Variants in DHRSX observed in about 807,000 individuals in gnomAD.
DHRSX encodes the protein dehydrogenase/reductase X-linked, also known as polyprenol dehydrogenase.
DHRSX carries 31 observed loss-of-function variants against 34.0 expected under a neutral mutation model. The ratio of observed to expected loss-of-function variants is 0.91; its 90% CI spans 0.69 to 1.23. DHRSX has a LOEUF of 1.23. Ranked by LOEUF, DHRSX falls within the 50% of genes most tolerant of loss-of-function variation. The pLI, the probability that DHRSX is intolerant of heterozygous loss-of-function variation, is 0.00. For missense variants in DHRSX, 414 were observed against 428.1 expected (o/e 0.97, Z 0.29); for synonymous variants, 201 against 183.8 (o/e 1.09, Z -0.76).
chrX:2,334,169 G>GTTTTTTTTTTTTTTTTT (rs1326915674), intron 3 of DHRSX: 2 of 40,178 alleles, frequency 5.0e-5, no homozygotes, highest in African/African-American at 2.9e-4. Flanking sequence ...TCAAAAGTAT[G>GTTTTTTTTTTTTTTTTT]CTTTTTTTTT....
At chrX:2,265,568 T>C (rs368330507) in intron 5 of DHRSX, among the ~76,000 whole-genome samples, 3,715 of 54,040 alleles carry the variant, frequency 0.069, 159 homozygotes, top group African/African-American at 0.19. Flanking sequence ...GCTCAGCAGA[T>C]GCAGGGAGCA....
At chrX:2,345,946 C>A (rs188360859) in intron 3 of DHRSX, among the ~76,000 whole-genome samples, 1 of 152,164 alleles carries the variant, frequency 6.6e-6, no homozygotes, top group Non-Finnish European at 1.5e-5. Context: ...TATCAGTACA[C>A]ACATCATATT....
At chrX:2,324,877 G>A (rs758738654) in intron 3 of DHRSX, among the ~76,000 whole-genome samples, 48 of 147,966 alleles carry the variant, frequency 3.2e-4, no homozygotes, top group African/African-American at 1.1e-3. Flanking sequence ...CAAGCAATTC[G>A]CCTGCCTCAG....
At chrX:2,431,344 CAAAA>C (rs201373514) in intron 1 of DHRSX, among the ~76,000 whole-genome samples, 1 of 145,482 alleles carries the variant, frequency 6.9e-6, no homozygotes, top group Non-Finnish European at 1.5e-5. Context: ...AAAAAAAAGA[CAAAA>C]AAAACCCCCA....
chrX:2,426,084 G>C (rs1337934478), intron 1 of DHRSX, among the ~76,000 whole-genome samples: 3 of 152,096 alleles, frequency 2.0e-5, no homozygotes, highest in East Asian at 1.9e-4. Flanking sequence ...GCATATGAAA[G>C]ACAGGTTCAT....
chrX:2,314,511 G>A (rs1569487354), intron 3 of DHRSX, among the ~76,000 whole-genome samples: 2 of 140,156 alleles, frequency 1.4e-5, no homozygotes, highest in South Asian at 2.3e-4. Context: ...AGGTAAGGGA[G>A]GGAGGGAGGA....
chrX:2,489,533 C>A, intron 1 of DHRSX: 1 of 1,612,818 alleles, frequency 6.2e-7, no homozygotes, highest in Admixed American at 1.7e-5. Flanking sequence ...CTCCACCAGC[C>A]CCTCGATGGT....
chrX:2,440,223 C>T (rs188959797), intron 1 of DHRSX, among the ~76,000 whole-genome samples: 5 of 152,086 alleles, frequency 3.3e-5, no homozygotes, highest in Admixed American at 3.3e-4. Flanking sequence ...TTTTTTGAGA[C>T]AAGGTCTCAC....
At chrX:2,448,654 G>A (rs1603106924) in intron 1 of DHRSX, among the ~76,000 whole-genome samples, 1 of 152,268 alleles carries the variant, frequency 6.6e-6, no homozygotes, top group East Asian at 1.9e-4. Flanking sequence ...CGCACAATGT[G>A]TACTTGGATT....
intron 3 of DHRSX, among the ~76,000 whole-genome samples, chrX:2,317,338 A>G (rs113824864): frequency 0.73 from 106,884 of 147,412 alleles, 39,420 homozygotes; most frequent in Middle Eastern, 0.8. Context: ...TGCAGCCTCC[A>G]CCTCCCGGGC....
chrX:2,245,543 CAG>C (rs2016256790), intron 5 of DHRSX, among the ~76,000 whole-genome samples: 1 of 150,712 alleles, frequency 6.6e-6, no homozygotes, highest in Non-Finnish European at 1.5e-5. Flanking sequence ...CTCCTGACCT[CAG>C]GTGATCCGCC....
chrX:2,302,471 G>T (rs1186630207), intron 3 of DHRSX, among the ~76,000 whole-genome samples: 1 of 152,100 alleles, frequency 6.6e-6, no homozygotes. Flanking sequence ...AACTAGCCGG[G>T]CATGGGGTCA....
intron 6 of DHRSX, among the ~76,000 whole-genome samples, chrX:2,224,314 A>G (rs1288676639): frequency 6.6e-6 from 1 of 152,132 alleles, no homozygotes; most frequent in Non-Finnish European, 1.5e-5. Flanking sequence ...CACTCTCTGG[A>G]AGGAGGCTTC....
chrX:2,229,926 T>C (rs1034032129), intron 6 of DHRSX, among the ~76,000 whole-genome samples: 3 of 152,166 alleles, frequency 2.0e-5, no homozygotes, highest in African/African-American at 7.2e-5. Context: ...TGCATGTGCA[T>C]GAATGCACAT....
chrX:2,500,668 C>T (rs2045403434), intron 1 of DHRSX, 149 bp downstream of exon 1: 1 of 151,044 alleles, frequency 6.6e-6, no homozygotes, highest in Admixed American at 6.7e-5. Context: ...CCCCCCCACC[C>T]CCGGCCACAC....
chrX:2,230,671 C>G (rs186062631), intron 6 of DHRSX, among the ~76,000 whole-genome samples: 40 of 152,144 alleles, frequency 2.6e-4, no homozygotes, highest in African/African-American at 9.4e-4. Context: ...AAGGCCTTCA[C>G]AGCAAACACT....
rs184531055 is a variant in DHRSX, at chrX:2,452,889, C to G, written c.110-27585G>C. ...GGTGTACAGGATCTAGTCATCCCACCACTGGGTGTGTACCCATCAATGGGA... is the reference window on the plus strand; with the variant it reads ...GGTGTACAGGATCTAGTCATCCCACGACTGGGTGTGTACCCATCAATGGGA... On this transcript the variant is annotated intron_variant, in intron 1 of 6. Coordinates refer to ENST00000334651, the MANE Select transcript of DHRSX (RefSeq NM_145177.3). Among the ~76,000 whole-genome samples the G allele has an allele frequency of 2.2e-3, 328 of 152,344 alleles. 14 individuals are homozygous for G. The East Asian group carries it at 0.055, about 26-fold the overall frequency.
chrX:2,386,077 A>T (rs2043267410), intron 3 of DHRSX, among the ~76,000 whole-genome samples: 1 of 152,078 alleles, frequency 6.6e-6, no homozygotes, highest in Admixed American at 6.6e-5. Flanking sequence ...TAAGGGTCAG[A>T]TATGTTCCAG....
At chrX:2,289,643 C>T (rs760758684) in intron 4 of DHRSX, among the ~76,000 whole-genome samples, 12 of 152,278 alleles carry the variant, frequency 7.9e-5, no homozygotes, top group Admixed American at 3.9e-4. Context: ...GACGTCGGGT[C>T]GTGTAGGATC....
Sources: allele counts gnomAD v4.1 joint callset (sites outside exome capture counted in the v4.1 genomes callset), GRCh38; gene constraint gnomAD v4.1.1; transcripts MANE v1.5; gene names NCBI Gene and HGNC (gene_info 2026-07-23, HGNC 2026-07-21).